SPATS2: variants seen among roughly 807,000 people sequenced by gnomAD.
SPATS2 encodes spermatogenesis-associated serine-rich protein 2.
A neutral mutation model predicts 63.7 loss-of-function variants in SPATS2; 38 were observed. The observed-to-expected ratio is 0.60, with a 90% CI of 0.46 to 0.78. The LOEUF is 0.78. Among genes scored for constraint, SPATS2 ranks in the 30% least tolerant of loss-of-function variants. SPATS2 has a pLI of 0.00. For synonymous variants in SPATS2, 207 were observed against 232.9 expected (o/e 0.89, Z 1.01); for missense variants, 588 against 666.2 (o/e 0.88, Z 1.29).
intron 6 of SPATS2, among the ~76,000 whole-genome samples, chr12:49,493,022 T>C (rs1169976548): frequency 6.7e-6 from 1 of 150,056 alleles, no homozygotes; most frequent in African/African-American, 2.5e-5. Flanking sequence ...TGCTTGAACC[T>C]GGGAGGTGGA....
At chr12:49,375,488 A>C (rs1210885209) in intron 2 of SPATS2, among the ~76,000 whole-genome samples, 2 of 152,194 alleles carry the variant, frequency 1.3e-5, no homozygotes, top group African/African-American at 2.4e-5. Context: ...TGATCATAGC[A>C]TGTCAGTGTG....
chr12:49,479,301 A>G (rs1382331751), intron 3 of SPATS2, among the ~76,000 whole-genome samples: 2 of 152,224 alleles, frequency 1.3e-5, no homozygotes, highest in Admixed American at 6.5e-5. Context: ...GGGCCTAACC[A>G]GGGACCCACC....
intron 4 of SPATS2, among the ~76,000 whole-genome samples, chr12:49,487,084 TTAC>T (rs1225069766): frequency 3.9e-5 from 6 of 152,184 alleles, no homozygotes; most frequent in South Asian, 4.1e-4. Flanking sequence ...CAGTATAATA[TTAC>T]TACTATGTTA....
chr12:49,398,433 TAGAA>T (rs1457247546), intron 2 of SPATS2, among the ~76,000 whole-genome samples: 1 of 152,126 alleles, frequency 6.6e-6, no homozygotes, highest in South Asian at 2.1e-4. Context: ...GAAGTCCTAA[TAGAA>T]GGAAGGTGGA....
intron 2 of SPATS2, among the ~76,000 whole-genome samples, chr12:49,404,143 A>T (rs577667698): frequency 1.4e-4 from 21 of 152,200 alleles, no homozygotes; most frequent in Non-Finnish European, 2.9e-4. Context: ...CAATTAAACC[A>T]GAAATTACAA....
chr12:49,519,487 C>T (rs1487102329), intron 11 of SPATS2, among the ~76,000 whole-genome samples: 4 of 152,186 alleles, frequency 2.6e-5, no homozygotes, highest in African/African-American at 9.7e-5. Context: ...CAGGTTACCA[C>T]CATCTCTTGC....
chr12:49,374,338 A>G (rs953316560), intron 2 of SPATS2, among the ~76,000 whole-genome samples: 4 of 152,190 alleles, frequency 2.6e-5, no homozygotes, highest in Non-Finnish European at 4.4e-5. Flanking sequence ...TTTGTTGCCC[A>G]GGCTGGTCTT....
intron 2 of SPATS2, among the ~76,000 whole-genome samples, chr12:49,449,194 TTCTG>T (rs1945571531): frequency 6.6e-6 from 1 of 152,106 alleles, no homozygotes; most frequent in Non-Finnish European, 1.5e-5. Flanking sequence ...ATTACTGATT[TTCTG>T]TCTGTTTTTT....
chr12:49,380,109 A>G (rs550060924), intron 2 of SPATS2, among the ~76,000 whole-genome samples: 4 of 151,740 alleles, frequency 2.6e-5, no homozygotes, highest in Non-Finnish European at 5.9e-5. Context: ...CTTTTCTGAC[A>G]TAGCATAATG....
At chr12:49,413,694 A>C (rs1338123736) in intron 2 of SPATS2, among the ~76,000 whole-genome samples, 1 of 152,064 alleles carries the variant, frequency 6.6e-6, no homozygotes, top group Non-Finnish European at 1.5e-5. Flanking sequence ...TCTAAATCAG[A>C]TCCAGGTATA....
rs531710609 is a variant in SPATS2 at position 49,445,891 on chromosome 12, T to G, written c.-243-14879T>G. ...TTATGAGGAATGTTGATCTGTAGTG[T>G]TTTTTTGGTTTGTTTTTGTTTTTGT... is the stretch of plus-strand genomic sequence containing the variant. On this transcript the variant is annotated intron_variant, in intron 2 of 13. Coordinates refer to ENST00000552918, the MANE Select transcript of SPATS2 (RefSeq NM_023071.4). Among the ~76,000 whole-genome samples the G allele has an allele frequency of 6.6e-5, 10 of 151,970 alleles. No individual in the cohort carries two copies. The South Asian group carries it at 2.1e-3, about 32-fold the overall frequency.
chr12:49,451,992 A>T (rs958396527), intron 2 of SPATS2, among the ~76,000 whole-genome samples: 22 of 152,166 alleles, frequency 1.4e-4, no homozygotes, highest in Admixed American at 1.3e-3. Context: ...TTCCCTGTAC[A>T]TGATGAAGTA....
intron 2 of SPATS2, among the ~76,000 whole-genome samples, chr12:49,419,254 C>G (rs958907154): frequency 6.6e-6 from 1 of 152,176 alleles, no homozygotes; most frequent in African/African-American, 2.4e-5. Context: ...AATATAGTAG[C>G]ATGGATTTAT....
At chr12:49,507,532 C>T (rs983652710) in intron 9 of SPATS2, among the ~76,000 whole-genome samples, 1 of 152,136 alleles carries the variant, frequency 6.6e-6, no homozygotes, top group Non-Finnish European at 1.5e-5. Context: ...ATTATTCCCT[C>T]TTACTTTTAC....
intron 3 of SPATS2, among the ~76,000 whole-genome samples, chr12:49,465,120 A>G (rs1050921110): frequency 6.6e-6 from 1 of 152,174 alleles, no homozygotes. Context: ...AACAGTTGCT[A>G]TTCATTTTGG....
chr12:49,525,420 A>G (rs1947016305), intron 13 of SPATS2, among the ~76,000 whole-genome samples: 1 of 152,214 alleles, frequency 6.6e-6, no homozygotes, highest in Non-Finnish European at 1.5e-5. Flanking sequence ...AACTGGTATG[A>G]TGTTTGGAAT....
intron 2 of SPATS2, among the ~76,000 whole-genome samples, chr12:49,404,288 C>A (rs1360462167): frequency 1.5e-5 from 2 of 135,846 alleles, no homozygotes; most frequent in African/African-American, 2.7e-5. Flanking sequence ...TTTTTTTTTT[C>A]ATTTTTTTTT....
At chr12:49,405,867 T>A (rs1300167477) in intron 2 of SPATS2, among the ~76,000 whole-genome samples, 1 of 152,248 alleles carries the variant, frequency 6.6e-6, no homozygotes. Flanking sequence ...ATAACACATA[T>A]ATAAATTTTT....
chr12:49,402,958 C>G (rs745919529), intron 2 of SPATS2, among the ~76,000 whole-genome samples: 4 of 152,044 alleles, frequency 2.6e-5, no homozygotes, highest in Non-Finnish European at 4.4e-5. Flanking sequence ...ACCATTCAGA[C>G]AAGAGGTTTA....
Sources: gnomAD v4.1 joint callset for allele counts (sites outside exome capture counted in the v4.1 genomes callset) on GRCh38, gnomAD v4.1.1 for gene constraint, MANE v1.5 for transcripts, NCBI Gene and HGNC (gene_info 2026-07-23, HGNC 2026-07-21) for gene names.